NLRP14: variants seen among roughly 807,000 people sequenced by gnomAD.
NLRP14 encodes the protein NACHT, LRR and PYD domains-containing protein 14.
A neutral mutation model predicts 94.7 loss-of-function variants in NLRP14; 105 were observed. The ratio of observed to expected loss-of-function variants is 1.11; its 90% CI spans 0.95 to 1.30. NLRP14 has a LOEUF of 1.30. Among genes scored for constraint, NLRP14 ranks in the 50% most tolerant of loss-of-function variants. NLRP14 has a pLI of 0.00. For missense variants in NLRP14, 1,362 were observed against 1,254.1 expected (o/e 1.09, Z -1.30); for synonymous variants, 508 against 459.9 (o/e 1.10, Z -1.34).
the NLRP14 span, among the ~76,000 whole-genome samples, chr11:7,079,661 G>A: frequency 6.6e-6 from 1 of 152,200 alleles, no homozygotes; most frequent in Non-Finnish European, 1.5e-5. Context: ...CCACAAAGAA[G>A]AACTAGCACT....
At position 7,057,714 on chromosome 11, in the gene NLRP14, A is replaced by G. The variant is rs1852538303; in HGVS notation, c.2329A>G (p.Asn777Asp). Residue 777 changes from asparagine (N) to aspartate (D), a missense_variant, in exon 7 of 12, where the codon AAT (asparagine) becomes GAT (aspartate). By Grantham distance (23) the Asn-to-Asp change is conservative. Transcript: ENST00000299481. ...SCNLTVFCCL[N>D]ISNALIRSQS... ...CAACCTAACTGTATTTTGTTGTCTA[A>G]ATATATCTAATGCTCTCATCAGAAG... 1 of 1,612,720 alleles carries G rather than the reference A, an allele frequency of 6.2e-7. No individual in the cohort carries two copies. The highest frequency in any genetic ancestry group is 8.5e-7 in the Non-Finnish European group (1 of 1,178,968).
the NLRP14 span, chr11:7,089,831 G>C: frequency 1.2e-6 from 2 of 1,610,514 alleles, no homozygotes; most frequent in South Asian, 1.1e-5. Context: ...CGCCCGGAGA[G>C]TACACCCACC....
chr11:7,049,589 GA>G, intron 5 of NLRP14, 81 bp from the exon 6 acceptor site: 1 of 968,116 alleles, frequency 1.0e-6, no homozygotes, highest in Non-Finnish European at 1.7e-6. Context: ...TAATATCCAA[GA>G]ATTAGATTGA....
intron 1 of NLRP14, among the ~76,000 whole-genome samples, chr11:7,029,911 C>A (rs1162776254): frequency 6.6e-6 from 1 of 152,166 alleles, no homozygotes; most frequent in Non-Finnish European, 1.5e-5. Context: ...AACTAGCATG[C>A]CTGAGTCCTT....
At chr11:7,072,634 G>A (rs533338643), downstream of NLRP14, among the ~76,000 whole-genome samples, 3 of 152,208 alleles carry the variant, frequency 2.0e-5, no homozygotes, top group South Asian at 2.1e-4. Context: ...GAGAGGCCCC[G>A]TGCACGGTGT....
chr11:7,052,449 A>G (rs957643328), intron 6 of NLRP14, among the ~76,000 whole-genome samples: 12 of 152,220 alleles, frequency 7.9e-5, no homozygotes, highest in African/African-American at 2.9e-4. Context: ...CCTGGCCAAC[A>G]TGGCAAAACC....
At position 7,052,407 on chromosome 11, in the gene NLRP14, T is replaced by C. The variant is rs559127846; in HGVS notation, c.2291+2569T>C. ...CAGCACTTTGTGAGGCTGACAACCT[T>C]GGATCACTTGAGGCCAGTAATTTGA... On this transcript the variant is annotated intron_variant, in intron 6 of 11. Transcript: ENST00000299481. 2.6e-5 allele frequency among the ~76,000 whole-genome samples: 4 copies of C among 152,274 alleles called. No individual in the cohort carries two copies. In the East Asian group the frequency reaches 7.7e-4, roughly 29 times the overall value.
Position 7,058,263 on chromosome 11 carries a change from A to ATCTCTT in NLRP14, c.2463-8_2463-3dup. On this transcript the variant is annotated splice_polypyrimidine_tract_variant and intron_variant, in intron 7 of 11. Transcript: ENST00000299481. The stretch of plus-strand genomic sequence containing the variant: ...TTTGGGAATTGACAGATCTCTTCTC[A>ATCTCTT]TCTCTTTCTCTTTCAGCTTAGAAAG... 1.2e-6 allele frequency: 2 copies of ATCTCTT among 1,609,326 alleles called. No individual in the cohort carries two copies. Among genetic ancestry groups the ATCTCTT allele is most frequent in the Non-Finnish European group, 1.7e-6 (2 of 1,176,248 alleles).
chr11:7,046,222 A>C (rs2119633195), intron 4 of NLRP14, among the ~76,000 whole-genome samples: 1 of 152,280 alleles, frequency 6.6e-6, no homozygotes, highest in Admixed American at 6.5e-5. Flanking sequence ...AACTCTCTTA[A>C]AATAATATGG....
At chr11:7,035,139 A>AAAATAAAT (rs10569142) in intron 1 of NLRP14, among the ~76,000 whole-genome samples, 25 of 149,146 alleles carry the variant, frequency 1.7e-4, no homozygotes, top group African/African-American at 5.7e-4. Flanking sequence ...TAAAAATCCA[A>AAAATAAAT]AAATAAATAA....
intron 10 of NLRP14, among the ~76,000 whole-genome samples, chr11:7,063,941 G>A (rs574935769): frequency 6.6e-6 from 1 of 152,142 alleles, no homozygotes; most frequent in East Asian, 1.9e-4. Context: ...ACAAAGATGG[G>A]CCAAAAGCAG....
At chr11:7,040,377 T>C (rs1438630148) in intron 3 of NLRP14, among the ~76,000 whole-genome samples, 2 of 152,200 alleles carry the variant, frequency 1.3e-5, no homozygotes, top group Admixed American at 6.5e-5. Context: ...ACGAACCCTA[T>C]TGTGAACTGT....
At chr11:7,077,004 C>A in the NLRP14 span, among the ~76,000 whole-genome samples, 1 of 152,236 alleles carries the variant, frequency 6.6e-6, no homozygotes, top group Non-Finnish European at 1.5e-5. Flanking sequence ...ATGGGAAGCC[C>A]CGCAGACTCC....
chr11:7,089,574 C>T, the NLRP14 span: 3 of 1,183,112 alleles, frequency 2.5e-6, no homozygotes, highest in Middle Eastern at 3.3e-4. Flanking sequence ...GAAGCGTGGG[C>T]CGCCGCCGCG....
downstream of NLRP14, among the ~76,000 whole-genome samples, chr11:7,075,124 C>G (rs1431058370): frequency 6.6e-6 from 1 of 152,110 alleles, no homozygotes; most frequent in Non-Finnish European, 1.5e-5. Flanking sequence ...GTCTGACCTC[C>G]CGTCTCTCCT....
At chr11:7,071,796 A>G (rs1212333247), downstream of NLRP14, among the ~76,000 whole-genome samples, 1 of 151,816 alleles carries the variant, frequency 6.6e-6, no homozygotes, top group Non-Finnish European at 1.5e-5. Flanking sequence ...GACTTACCAA[A>G]TCAGAATGTC....
chr11:7,027,479 C>A (rs1473370007), intron 1 of NLRP14, among the ~76,000 whole-genome samples: 1 of 152,048 alleles, frequency 6.6e-6, no homozygotes, highest in Non-Finnish European at 1.5e-5. Context: ...TTCATGAAGG[C>A]TCTGCCCTCA....
At chr11:7,062,623 C>A (rs1274779143) in intron 10 of NLRP14, 120 bp downstream of exon 10, 10 of 856,356 alleles carry the variant, frequency 1.2e-5, no homozygotes, top group Non-Finnish European at 2.0e-5. Flanking sequence ...AAGTTACTCT[C>A]AGAAATAAGA....
chr11:7,063,818 C>T (rs892251308), intron 10 of NLRP14, among the ~76,000 whole-genome samples: 2 of 152,078 alleles, frequency 1.3e-5, no homozygotes, highest in African/African-American at 4.8e-5. Context: ...AGGGGTCTGA[C>T]TCAGTCAACT....
Sources: gnomAD v4.1 joint callset for allele counts (sites outside exome capture counted in the v4.1 genomes callset) on GRCh38, gnomAD v4.1.1 for gene constraint, MANE v1.5 for transcripts, NCBI Gene and HGNC (gene_info 2026-07-23, HGNC 2026-07-21) for gene names.